The following TBL1XR1 variants were observed in gnomAD, a reference collection of about 807,000 sequenced individuals.
TBL1XR1 encodes TBL1X/Y related 1, also known as F-box-like/WD repeat-containing protein TBL1XR1.
In TBL1XR1, 5 loss-of-function variants were observed where a neutral mutation model predicts 66.9. The observed-to-expected ratio is 0.07, with a 90% CI of 0.04 to 0.16. The LOEUF (loss-of-function observed/expected upper bound fraction) is 0.16. Ranked by LOEUF, TBL1XR1 falls within the 10% of genes least tolerant of loss-of-function variation. The pLI is 1.00. For missense variants in TBL1XR1, 238 were observed against 623.2 expected, an observed-to-expected ratio of 0.38 and a Z score of 6.58; for synonymous variants, 210 against 206.0, an observed-to-expected ratio of 1.02 and a Z score of -0.17.
intron 1 of TBL1XR1, among the ~76,000 whole-genome samples, chr3:177,112,095 ATATATATATATATT>A (rs1384446166): frequency 6.2e-5 from 3 of 48,064 alleles, no homozygotes; most frequent in South Asian, 1.3e-3. Flanking sequence ...ATATATATAT[ATATATATATATATT>A]TTTTTTTTTT....
At chr3:177,051,457 A>T (rs572633015) in intron 5 of TBL1XR1, 47 bp downstream of exon 5, 4 of 1,514,678 alleles carry the variant, frequency 2.6e-6, no homozygotes, top group African/African-American at 1.4e-5. Flanking sequence ...TTAAAAAAAT[A>T]AATAAATAAA....
chr3:177,159,966 T>C (rs955938848), intron 1 of TBL1XR1, among the ~76,000 whole-genome samples: 11 of 152,236 alleles, frequency 7.2e-5, no homozygotes, highest in African/African-American at 2.2e-4. Flanking sequence ...TTTAACCTCA[T>C]AGTTTAATTT....
chr3:177,122,612 T>A (rs771362490), intron 1 of TBL1XR1, among the ~76,000 whole-genome samples: 1 of 152,160 alleles, frequency 6.6e-6, no homozygotes, highest in Non-Finnish European at 1.5e-5. Flanking sequence ...CTAGCTTTCA[T>A]AATGTTATTA....
At chr3:177,191,433 T>C (rs1315919532) in intron 1 of TBL1XR1, among the ~76,000 whole-genome samples, 2 of 152,198 alleles carry the variant, frequency 1.3e-5, no homozygotes, top group African/African-American at 2.4e-5. Context: ...TGGGCCTAAA[T>C]TCCTGCTCTG....
At chr3:177,184,755 C>T (rs534756739) in intron 1 of TBL1XR1, among the ~76,000 whole-genome samples, 1 of 151,388 alleles carries the variant, frequency 6.6e-6, no homozygotes, top group African/African-American at 2.4e-5. Context: ...AAGCCGATCG[C>T]ACCACTGCAC....
chr3:177,098,634 C>T (rs1447216172), intron 1 of TBL1XR1, 93 bp from the exon 2 acceptor site: 23 of 608,070 alleles, frequency 3.8e-5, no homozygotes, highest in Non-Finnish European at 4.7e-5. Flanking sequence ...TTGAAATATT[C>T]TTTAAGGTCC....
intron 2 of TBL1XR1, among the ~76,000 whole-genome samples, chr3:177,072,625 T>C (rs1396206473): frequency 1.3e-5 from 2 of 152,172 alleles, no homozygotes; most frequent in Admixed American, 6.5e-5. Flanking sequence ...CATACTAAAA[T>C]GATGGTTGTC....
At chr3:177,058,077 G>A (rs542092700) in intron 3 of TBL1XR1, among the ~76,000 whole-genome samples, 1 of 152,066 alleles carries the variant, frequency 6.6e-6, no homozygotes, top group Non-Finnish European at 1.5e-5. Flanking sequence ...ACAAGAATAA[G>A]AAAATGGACT....
chr3:177,100,092 A>G (rs1394229599), intron 1 of TBL1XR1, among the ~76,000 whole-genome samples: 1 of 152,090 alleles, frequency 6.6e-6, no homozygotes, highest in Non-Finnish European at 1.5e-5. Context: ...ACAAAAAATC[A>G]GCCAGGCATG....
intron 10 of TBL1XR1, among the ~76,000 whole-genome samples, chr3:177,042,663 A>T (rs1027459827): frequency 3.9e-5 from 6 of 152,166 alleles, no homozygotes; most frequent in Non-Finnish European, 7.4e-5. Context: ...ATAAAAAAAA[A>T]TTTTATGTAC....
chr3:177,039,102 CTATAT>C (rs1232638945), intron 10 of TBL1XR1, among the ~76,000 whole-genome samples: 5 of 152,108 alleles, frequency 3.3e-5, no homozygotes, highest in South Asian at 4.1e-4. Flanking sequence ...TGCCATCTGG[CTATAT>C]TATAAGGTAT....
chr3:177,120,413 C>CA (rs1301061067), intron 1 of TBL1XR1, among the ~76,000 whole-genome samples: 1 of 152,152 alleles, frequency 6.6e-6, no homozygotes, highest in Non-Finnish European at 1.5e-5. Context: ...CCAAATCATA[C>CA]AACCAGCTAA....
In TBL1XR1 at chr3:177,108,000, ACT is replaced by A. The variant is rs1725089717; in HGVS notation, c.-121-9461_-121-9460del. 2.7e-5 allele frequency among the ~76,000 whole-genome samples: 4 copies of A among 149,590 alleles called. No individual in the cohort carries two copies. The South Asian group carries it at 8.5e-4, about 32-fold the overall frequency. ...ATACATTAAAAAATGAATGGGCATT[ACT>A]CTTTCTAATAAAACTTTATTCAAAA... is the stretch of plus-strand genomic sequence containing the variant. On this transcript the variant is annotated intron_variant, in intron 1 of 15. Coordinates refer to ENST00000457928, the MANE Select transcript of TBL1XR1 (RefSeq NM_024665.7).
intron 3 of TBL1XR1, among the ~76,000 whole-genome samples, chr3:177,062,864 G>T (rs1000182785): frequency 6.6e-6 from 1 of 152,004 alleles, no homozygotes; most frequent in Non-Finnish European, 1.5e-5. Flanking sequence ...CTTTTGGGCC[G>T]GGTGTAATGC....
chr3:177,081,996 C>T (rs1721458422), intron 2 of TBL1XR1, among the ~76,000 whole-genome samples: 1 of 152,122 alleles, frequency 6.6e-6, no homozygotes, highest in African/African-American at 2.4e-5. Context: ...GTGAAACCCC[C>T]TTGATTGTTC....
chr3:177,070,467 C>A (rs1719827313), intron 2 of TBL1XR1, among the ~76,000 whole-genome samples: 2 of 152,310 alleles, frequency 1.3e-5, no homozygotes, highest in African/African-American at 4.8e-5. Context: ...ACTTCTGGTA[C>A]ATATTTTCAA....
chr3:177,165,126 T>A (rs1259992089), intron 1 of TBL1XR1, among the ~76,000 whole-genome samples: 1 of 152,132 alleles, frequency 6.6e-6, no homozygotes, highest in Non-Finnish European at 1.5e-5. Flanking sequence ...TGTTCACAGA[T>A]GACATGATTG....
intron 9 of TBL1XR1, among the ~76,000 whole-genome samples, chr3:177,046,429 G>T (rs1351941982): frequency 1.3e-5 from 2 of 152,032 alleles, no homozygotes; most frequent in African/African-American, 4.8e-5. Context: ...ATTACTGGTA[G>T]TCTACAAAGG....
At chr3:177,187,432 A>T (rs571097222) in intron 1 of TBL1XR1, among the ~76,000 whole-genome samples, 3 of 151,982 alleles carry the variant, frequency 2.0e-5, no homozygotes, top group Admixed American at 1.3e-4. Context: ...TTAATAAAGG[A>T]ATTGAAGTAT....
Sources: allele counts gnomAD v4.1 joint callset (sites outside exome capture counted in the v4.1 genomes callset), GRCh38; gene constraint gnomAD v4.1.1; transcripts MANE v1.5; gene names NCBI Gene and HGNC (gene_info 2026-07-23, HGNC 2026-07-21).